The following TBC1D9 variants were observed in gnomAD, a reference collection of about 807,000 sequenced individuals.
The protein encoded by TBC1D9 is TBC1 domain family member 9, also known as TBC1 domain family member 9A.
TBC1D9 carries 63 observed loss-of-function variants against 132.0 expected under a neutral mutation model. The observed-to-expected ratio is 0.48, with a 90% CI of 0.39 to 0.59. TBC1D9 has a LOEUF of 0.59. TBC1D9 is among the 20% of genes least tolerant of loss of function. TBC1D9 has a pLI of 0.00. For synonymous variants in TBC1D9, 610 were observed against 609.9 expected, an observed-to-expected ratio of 1.00 and a Z score of 0.00; for missense variants, 1,261 against 1,592.7, an observed-to-expected ratio of 0.79 and a Z score of 3.54.
chr4:140,734,161 A>T (rs778986830), intron 1 of TBC1D9, among the ~76,000 whole-genome samples: 3 of 152,136 alleles, frequency 2.0e-5, no homozygotes, highest in Non-Finnish European at 4.4e-5. Context: ...TTTGAGACAC[A>T]GTCTCACTCT....
In TBC1D9 at chr4:140,657,618, T is replaced by A; in HGVS notation, c.2116A>T (p.Ile706Leu). 6.2e-7 allele frequency: 1 copy of A among 1,613,974 alleles called. No individual in the cohort carries two copies. The highest frequency in any genetic ancestry group is 8.5e-7 in the Non-Finnish European group (1 of 1,179,876). Reference protein sequence around the residue: ...DCFFYEGIKVIFQLALAVLDA... With the variant: ...DCFFYEGIKVLFQLALAVLDA... ...AGCACAGCTAGGGCCAACTGGAATA[T>A]CACTTTAATTCCTTCATAGAAGAAA... The change falls in exon 12 of 21, where the codon ATA becomes TTA. Residue 706 changes from isoleucine to leucine, a missense_variant. Around this residue, in one of 3 missense-constraint regions of TBC1D9, gnomAD observed 618 missense variants for 724.4 expected, o/e 0.85. Coordinates refer to ENST00000442267, the MANE Select transcript of TBC1D9 (RefSeq NM_015130.3).
chr4:140,739,782 C>A (rs1053965356), intron 1 of TBC1D9, among the ~76,000 whole-genome samples: 1 of 152,078 alleles, frequency 6.6e-6, no homozygotes, highest in Non-Finnish European at 1.5e-5. Context: ...GTGGGAGGAT[C>A]GCTTGGGGCC....
At chr4:140,751,647 A>G (rs926132535) in intron 1 of TBC1D9, among the ~76,000 whole-genome samples, 1 of 152,206 alleles carries the variant, frequency 6.6e-6, no homozygotes, top group Non-Finnish European at 1.5e-5. Flanking sequence ...CATTCTTTAC[A>G]GAGTAAATAG....
chr4:140,733,152 G>A (rs185711284), intron 1 of TBC1D9, among the ~76,000 whole-genome samples: 74 of 152,112 alleles, frequency 4.9e-4, no homozygotes, highest in Non-Finnish European at 1.6e-4. Flanking sequence ...AAAATAAAGA[G>A]AACTACATAT....
At position 140,622,134 on chromosome 4, in the gene TBC1D9, A is replaced by C; in HGVS notation, c.*61T>G. ...AAGAAAGAAAGAAAAAACTCAACAC[A>C]GAAGAACATAAAAAATCCCTCCCCT... On this transcript the variant is annotated 3_prime_UTR_variant, in exon 21 of 21. Transcript: ENST00000442267. 1.3e-6 allele frequency: 2 copies of C among 1,505,568 alleles called. No homozygotes were observed. The highest frequency in any genetic ancestry group is 1.8e-6 in the Non-Finnish European group (2 of 1,126,916). The allele number at this position is 1,505,568 out of a possible 1,614,324, so 93.3% of individuals were successfully genotyped here.
chr4:140,659,209 C>A (rs1439337430), intron 11 of TBC1D9, among the ~76,000 whole-genome samples: 1 of 152,148 alleles, frequency 6.6e-6, no homozygotes, highest in Non-Finnish European at 1.5e-5. Flanking sequence ...TTTTTCCACC[C>A]CAGATAGCCT....
Position 140,622,025 on chromosome 4 carries a change from T to C in TBC1D9, c.*170A>G, listed in dbSNP as rs1183618382. The C allele has an allele frequency of 2.1e-6, 2 of 968,282 alleles. No individual in the cohort carries two copies. Among genetic ancestry groups the C allele is most frequent in the African/African-American group, 3.3e-5 (2 of 61,202 alleles). 60.0% of individuals were successfully genotyped at this position (968,282 alleles called of 1,614,324 possible). Reference sequence around the variant, plus strand: ...TGTAATGTACCTACATTGAGGTGTTTAAATATTTCTCCAACAGTTTTCATT... The same window carrying C: ...TGTAATGTACCTACATTGAGGTGTTCAAATATTTCTCCAACAGTTTTCATT... On this transcript the variant is annotated 3_prime_UTR_variant, in exon 21 of 21. Coordinates refer to ENST00000442267, the MANE Select transcript of TBC1D9 (RefSeq NM_015130.3).
At chr4:140,626,816 T>G (rs1334667836) in intron 18 of TBC1D9, among the ~76,000 whole-genome samples, 1 of 152,220 alleles carries the variant, frequency 6.6e-6, no homozygotes, top group African/African-American at 2.4e-5. Flanking sequence ...ATACTGTCTC[T>G]GTTTTAGCCA....
At chr4:140,712,809 C>T (rs897508467) in intron 1 of TBC1D9, among the ~76,000 whole-genome samples, 1 of 151,376 alleles carries the variant, frequency 6.6e-6, no homozygotes, top group Non-Finnish European at 1.5e-5. Flanking sequence ...GCTCTGTTGC[C>T]CATGCTGGAA....
At chr4:140,752,098 C>T (rs1300282814) in intron 1 of TBC1D9, among the ~76,000 whole-genome samples, 2 of 152,154 alleles carry the variant, frequency 1.3e-5, no homozygotes, top group East Asian at 1.9e-4. Context: ...TGCCCACAGG[C>T]ACCAAGAAAC....
chr4:140,696,498 T>C (rs13126981), intron 2 of TBC1D9, among the ~76,000 whole-genome samples: 52,175 of 142,204 alleles, frequency 0.37, 11,311 homozygotes, highest in South Asian at 0.51. Flanking sequence ...AAGAGGCATA[T>C]GAAAATAATG....
chr4:140,634,269 A>G, intron 15 of TBC1D9, 81 bp from the exon 16 acceptor site: 2 of 1,547,934 alleles, frequency 1.3e-6, no homozygotes, highest in Non-Finnish European at 1.7e-6. Flanking sequence ...CAGTTTGGAA[A>G]GGGCTTTAGG....
chr4:140,670,737 T>C lies in TBC1D9; in HGVS notation c.1249A>G (p.Asn417Asp). ...CCACAGACCTCATCATCTGAACTGTTGTAACTTCCTGCAAACTCCTTGTCA... is the reference window on the plus strand; with the variant it reads ...CCACAGACCTCATCATCTGAACTGTCGTAACTTCCTGCAAACTCCTTGTCA... ...YSDKEFAGSY[N>D]SSDDEVYSRP... is the part of the protein sequence containing the mutation. The change falls in exon 7 of 21, where the codon AAC (asparagine) becomes GAC (aspartate). Residue 417 changes from asparagine to aspartate, a missense_variant. By Grantham distance (23) the Asn-to-Asp change is conservative. Coordinates refer to ENST00000442267, the MANE Select transcript of TBC1D9 (RefSeq NM_015130.3). The C allele has an allele frequency of 1.2e-6, 2 of 1,613,808 alleles. No individual in the cohort carries two copies. The highest frequency in any genetic ancestry group is 1.7e-6 in the Non-Finnish European group (2 of 1,179,888).
At chr4:140,744,201 T>A (rs187782382) in intron 1 of TBC1D9, among the ~76,000 whole-genome samples, 2 of 152,108 alleles carry the variant, frequency 1.3e-5, no homozygotes, top group Admixed American at 6.6e-5. Flanking sequence ...CATTTTCCTA[T>A]TAATAATATG....
intron 13 of TBC1D9, among the ~76,000 whole-genome samples, chr4:140,640,447 T>TGGGGGGGGGG (rs55770281): frequency 5.6e-5 from 6 of 107,998 alleles, no homozygotes; most frequent in Non-Finnish European, 9.8e-5. Flanking sequence ...GGTGGTGGGG[T>TGGGGGGGGGG]GGGGGGGGGA....
At chr4:140,741,034 T>C (rs772148539) in intron 1 of TBC1D9, among the ~76,000 whole-genome samples, 1 of 152,168 alleles carries the variant, frequency 6.6e-6, no homozygotes, top group African/African-American at 2.4e-5. Context: ...GTTCAGGCCA[T>C]GGTAGGAAGA....
chr4:140,755,627 G>A (rs1247698654), intron 1 of TBC1D9, among the ~76,000 whole-genome samples: 1 of 152,006 alleles, frequency 6.6e-6, no homozygotes, highest in African/African-American at 2.4e-5. Context: ...CAATATATAG[G>A]GGATAATACA....
chr4:140,691,488 CTG>C (rs1223171320), intron 2 of TBC1D9, among the ~76,000 whole-genome samples: 1 of 152,184 alleles, frequency 6.6e-6, no homozygotes, highest in African/African-American at 2.4e-5. Context: ...CTTGAACAAA[CTG>C]TGTTAGGACA....
chr4:140,644,321 G>T (rs1367703146), intron 13 of TBC1D9: 3 of 279,302 alleles, frequency 1.1e-5, no homozygotes, highest in Admixed American at 4.9e-5. Flanking sequence ...GCAGGGAGTG[G>T]GGAGGCAGGC....
Sources: allele counts gnomAD v4.1 joint callset (sites outside exome capture counted in the v4.1 genomes callset), GRCh38; gene constraint gnomAD v4.1.1; regional missense constraint gnomAD v4.1.1; transcripts MANE v1.5; gene names NCBI Gene and HGNC (gene_info 2026-07-23, HGNC 2026-07-21).